Variants in ERBB4 observed in about 807,000 individuals in gnomAD.
The protein encoded by ERBB4 is receptor tyrosine-protein kinase erbB-4.
ERBB4 carries 42 observed loss-of-function variants against 158.0 expected under a neutral mutation model. The observed-to-expected ratio is 0.27, with a 90% CI of 0.21 to 0.34. ERBB4 has a LOEUF of 0.34. ERBB4 is among the 10% of genes least tolerant of loss of function. The pLI is 1.00. For synonymous variants in ERBB4, 583 were observed against 558.7 expected (o/e 1.04, Z -0.61); for missense variants, 1,333 against 1,624.1 (o/e 0.82, Z 3.08).
chr2:212,193,435 C>A (rs534253337), intron 1 of ERBB4, among the ~76,000 whole-genome samples: 9 of 152,142 alleles, frequency 5.9e-5, no homozygotes, highest in African/African-American at 2.2e-4. Context: ...TAGTTTAATA[C>A]CTGCTGGGTC....
intron 1 of ERBB4, among the ~76,000 whole-genome samples, chr2:212,266,737 C>T (rs2085150450): frequency 6.6e-6 from 1 of 151,538 alleles, no homozygotes; most frequent in African/African-American, 2.4e-5. Flanking sequence ...CAAAATATTT[C>T]AAAATAAAGA....
At chr2:212,259,608 T>C (rs1559866846) in intron 1 of ERBB4, among the ~76,000 whole-genome samples, 1 of 152,210 alleles carries the variant, frequency 6.6e-6, no homozygotes, top group Admixed American at 6.5e-5. Context: ...ATTTAATAAG[T>C]TCCAATTTCT....
chr2:211,543,843 TA>T (rs781245393), intron 20 of ERBB4, among the ~76,000 whole-genome samples: 328 of 140,954 alleles, frequency 2.3e-3, no homozygotes, highest in Admixed American at 2.3e-3. Context: ...AAATGCAAGT[TA>T]AAAAAAAAAA....
intron 12 of ERBB4, among the ~76,000 whole-genome samples, chr2:211,684,877 C>T (rs1452735500): frequency 6.6e-6 from 1 of 152,162 alleles, no homozygotes; most frequent in East Asian, 1.9e-4. Context: ...TCTTAAAAAC[C>T]CCAGCCCAGA....
At chr2:211,444,599 G>A (rs191268604) in intron 20 of ERBB4, among the ~76,000 whole-genome samples, 261 of 152,176 alleles carry the variant, frequency 1.7e-3, no homozygotes, top group African/African-American at 4.2e-3. Context: ...AAAGTTACAG[G>A]AGGAAAGACA....
At chr2:212,112,953 C>A (rs2079457589) in intron 2 of ERBB4, among the ~76,000 whole-genome samples, 1 of 152,148 alleles carries the variant, frequency 6.6e-6, no homozygotes, top group South Asian at 2.1e-4. Context: ...TTACTCTGTA[C>A]AATCTTCATA....
At chr2:211,981,474 C>A (rs866408701) in intron 2 of ERBB4, among the ~76,000 whole-genome samples, 2 of 152,122 alleles carry the variant, frequency 1.3e-5, no homozygotes, top group African/African-American at 2.4e-5. Context: ...GGTGTAAATT[C>A]TTTTGTATGG....
At chr2:211,584,447 A>T (rs2068202142) in intron 19 of ERBB4, among the ~76,000 whole-genome samples, 1 of 152,092 alleles carries the variant, frequency 6.6e-6, no homozygotes, top group Admixed American at 6.5e-5. Context: ...CCTATATGAC[A>T]TTTTTCAATC....
At chr2:212,308,345 A>G (rs1176890605) in intron 1 of ERBB4, among the ~76,000 whole-genome samples, 1 of 151,132 alleles carries the variant, frequency 6.6e-6, no homozygotes, top group African/African-American at 2.4e-5. Flanking sequence ...AGAATCCTGA[A>G]TGTATAACAC....
At chr2:212,160,124 C>G (rs754425803) in intron 1 of ERBB4, among the ~76,000 whole-genome samples, 36 of 151,916 alleles carry the variant, frequency 2.4e-4, no homozygotes, top group African/African-American at 8.5e-4. Flanking sequence ...TTAGCATAAC[C>G]CTTTCCTCAG....
At chr2:211,820,706 A>G (rs1040922784) in intron 3 of ERBB4, among the ~76,000 whole-genome samples, 1 of 151,860 alleles carries the variant, frequency 6.6e-6, no homozygotes, top group Admixed American at 6.6e-5. Flanking sequence ...TGAGGAAACC[A>G]AATCTAACAA....
At chr2:211,524,980 T>C (rs1574670709) in intron 20 of ERBB4, among the ~76,000 whole-genome samples, 1 of 152,324 alleles carries the variant, frequency 6.6e-6, no homozygotes, top group East Asian at 1.9e-4. Context: ...AGCTTATGCC[T>C]GCTCCCATAG....
At chr2:212,483,087 C>T (rs538424905) in intron 1 of ERBB4, among the ~76,000 whole-genome samples, 107 of 152,314 alleles carry the variant, frequency 7.0e-4, no homozygotes, top group African/African-American at 2.4e-3. Flanking sequence ...TTTCCCTACT[C>T]TCAGTGAGCT....
intron 3 of ERBB4, among the ~76,000 whole-genome samples, chr2:211,847,646 T>A (rs944478746): frequency 4.6e-5 from 7 of 152,018 alleles, no homozygotes; most frequent in African/African-American, 1.7e-4. Flanking sequence ...TTTTTTGCAA[T>A]TTTTTTGGCT....
At chr2:211,685,028 G>A (rs932085570) in intron 12 of ERBB4, among the ~76,000 whole-genome samples, 12 of 152,082 alleles carry the variant, frequency 7.9e-5, no homozygotes, top group African/African-American at 2.4e-4. Context: ...AGAAGATATC[G>A]GTTCTGTAAC....
chr2:211,662,245 A>T (rs1171687307), intron 15 of ERBB4, among the ~76,000 whole-genome samples: 1 of 152,014 alleles, frequency 6.6e-6, no homozygotes, highest in African/African-American at 2.4e-5. Context: ...ACGGACATTA[A>T]ATGAGCACAT....
At chr2:211,771,691 GA>G (rs2075695692) in intron 4 of ERBB4, among the ~76,000 whole-genome samples, 1 of 152,126 alleles carries the variant, frequency 6.6e-6, no homozygotes, top group Non-Finnish European at 1.5e-5. Context: ...AGGCTAAAGT[GA>G]TTGTTCTTTC....
chr2:211,688,461 C>T (rs1574988459), intron 12 of ERBB4, among the ~76,000 whole-genome samples: 3 of 152,108 alleles, frequency 2.0e-5, no homozygotes, highest in Admixed American at 6.6e-5. Flanking sequence ...ATAAGGCTCA[C>T]CTCATTTATT....
At chr2:211,511,228 CCTT>C (rs2065877001) in intron 20 of ERBB4, among the ~76,000 whole-genome samples, 1 of 151,650 alleles carries the variant, frequency 6.6e-6, no homozygotes, top group African/African-American at 2.4e-5. Flanking sequence ...GATATATATC[CCTT>C]CTTATATATT....
Sources: allele counts gnomAD v4.1 joint callset (sites outside exome capture counted in the v4.1 genomes callset), GRCh38; gene constraint gnomAD v4.1.1; transcripts MANE v1.5; gene names NCBI Gene and HGNC (gene_info 2026-07-23, HGNC 2026-07-21).